Variants in NCKAP5 observed in about 807,000 individuals in gnomAD.
NCKAP5 encodes NCK associated protein 5.
In NCKAP5, 92 loss-of-function variants were observed where a neutral mutation model predicts 167.0. The ratio of observed to expected loss-of-function variants is 0.55; its 90% CI spans 0.47 to 0.66. The LOEUF (loss-of-function observed/expected upper bound fraction) is 0.66. Ranked by LOEUF, NCKAP5 falls within the 30% of genes least tolerant of loss-of-function variation. The pLI, the probability that NCKAP5 is intolerant of heterozygous loss-of-function variation, is 0.00. For missense variants in NCKAP5, 2,378 were observed against 2,315.0 expected, an observed-to-expected ratio of 1.03 and a Z score of -0.56; for synonymous variants, 891 against 877.4, an observed-to-expected ratio of 1.02 and a Z score of -0.27.
chr2:132,748,688 A>G (rs576358891), intron 16 of NCKAP5, among the ~76,000 whole-genome samples: 1 of 152,142 alleles, frequency 6.6e-6, no homozygotes, highest in South Asian at 2.1e-4. Context: ...GCTAGGATAT[A>G]TTTATATTCT....
At chr2:133,489,946 T>C (rs1681291581) in intron 3 of NCKAP5, among the ~76,000 whole-genome samples, 1 of 152,110 alleles carries the variant, frequency 6.6e-6, no homozygotes, top group Non-Finnish European at 1.5e-5. Context: ...AGGAACTAGC[T>C]GGGCTCTAAA....
chr2:133,385,171 T>C (rs919411987), intron 3 of NCKAP5, among the ~76,000 whole-genome samples: 2 of 152,204 alleles, frequency 1.3e-5, no homozygotes, highest in African/African-American at 4.8e-5. Flanking sequence ...CAGTATGATA[T>C]TGCCTGTGGG....
intron 16 of NCKAP5, among the ~76,000 whole-genome samples, chr2:132,758,353 C>G (rs1301501588): frequency 4.6e-5 from 7 of 152,158 alleles, no homozygotes; most frequent in African/African-American, 1.4e-4. Flanking sequence ...TTTTGTAAAT[C>G]TACAAGTCAT....
At chr2:133,264,048 A>G (rs1375634360) in intron 4 of NCKAP5, among the ~76,000 whole-genome samples, 1 of 152,218 alleles carries the variant, frequency 6.6e-6, no homozygotes, top group Non-Finnish European at 1.5e-5. Context: ...AGCCCTGGAA[A>G]GCCTCCACCT....
chr2:133,414,113 T>C (rs1027591830), intron 3 of NCKAP5, among the ~76,000 whole-genome samples: 32 of 152,202 alleles, frequency 2.1e-4, no homozygotes, highest in African/African-American at 6.5e-4. Context: ...ATACTAAATG[T>C]CACGCCACAG....
intron 3 of NCKAP5, among the ~76,000 whole-genome samples, chr2:133,356,004 C>A (rs1274048590): frequency 6.6e-6 from 1 of 151,992 alleles, no homozygotes; most frequent in Non-Finnish European, 1.5e-5. Context: ...CATGTCTCAC[C>A]GAAACCTCAG....
intron 11 of NCKAP5, among the ~76,000 whole-genome samples, chr2:132,845,662 T>C (rs936764267): frequency 2.0e-5 from 3 of 152,182 alleles, no homozygotes; most frequent in Admixed American, 1.3e-4. Flanking sequence ...ACTGTTCTAA[T>C]AGCTACAACT....
At chr2:133,640,426 C>T in the NCKAP5 span, among the ~76,000 whole-genome samples, 2 of 152,150 alleles carry the variant, frequency 1.3e-5, no homozygotes, top group Non-Finnish European at 2.9e-5. Context: ...GAGACAATCT[C>T]CACAGTGATC....
At chr2:133,545,255 G>C (rs1246969555) in intron 2 of NCKAP5, among the ~76,000 whole-genome samples, 4 of 152,100 alleles carry the variant, frequency 2.6e-5, no homozygotes, top group African/African-American at 9.7e-5. Context: ...TTCTTGGCAA[G>C]ATTGCCTGCC....
At chr2:133,500,868 T>G (rs1377778016) in intron 3 of NCKAP5, among the ~76,000 whole-genome samples, 1 of 152,210 alleles carries the variant, frequency 6.6e-6, no homozygotes, top group Non-Finnish European at 1.5e-5. Flanking sequence ...CATAGACATT[T>G]CCATTATTCC....
chr2:132,774,990 T>C (rs781297036), intron 15 of NCKAP5, among the ~76,000 whole-genome samples: 26 of 152,230 alleles, frequency 1.7e-4, no homozygotes, highest in Non-Finnish European at 3.4e-4. Context: ...AATATGCCTG[T>C]GTAGACTTGG....
At chr2:133,420,895 T>C (rs1689433154) in intron 3 of NCKAP5, among the ~76,000 whole-genome samples, 1 of 152,164 alleles carries the variant, frequency 6.6e-6, no homozygotes, top group Non-Finnish European at 1.5e-5. Flanking sequence ...TGCTCAGCAG[T>C]CACGCAGCGT....
intron 10 of NCKAP5, among the ~76,000 whole-genome samples, chr2:132,865,283 G>GC (rs1366732344): frequency 6.6e-6 from 1 of 151,990 alleles, no homozygotes; most frequent in East Asian, 1.9e-4. Flanking sequence ...AATACATACT[G>GC]CAAGTCTCCA....
the NCKAP5 span, among the ~76,000 whole-genome samples, chr2:133,584,567 C>T: frequency 1.3e-5 from 2 of 152,042 alleles, no homozygotes; most frequent in African/African-American, 4.8e-5. Context: ...TAGTTTGAGA[C>T]CAGCCTGGCC....
chr2:133,392,054 C>A (rs1310968606), intron 3 of NCKAP5, among the ~76,000 whole-genome samples: 4 of 152,224 alleles, frequency 2.6e-5, no homozygotes, highest in Non-Finnish European at 5.9e-5. Flanking sequence ...CCCCATCCCA[C>A]ATACACACAC....
chr2:133,664,809 A>C, the NCKAP5 span, among the ~76,000 whole-genome samples: 1 of 152,058 alleles, frequency 6.6e-6, no homozygotes, highest in Non-Finnish European at 1.5e-5. Context: ...AAAATCTGTT[A>C]TTTTGTATTG....
At chr2:133,129,192 C>T (rs1346930647) in intron 6 of NCKAP5, among the ~76,000 whole-genome samples, 1 of 151,612 alleles carries the variant, frequency 6.6e-6, no homozygotes, top group African/African-American at 2.4e-5. Flanking sequence ...TGTGCTGCAC[C>T]CATTAACTCG....
intron 3 of NCKAP5, among the ~76,000 whole-genome samples, chr2:133,468,387 A>G (rs1298932012): frequency 1.3e-5 from 2 of 149,526 alleles, no homozygotes; most frequent in African/African-American, 5.0e-5. Context: ...AGTTTGTTAT[A>G]ATTTCTGTTC....
chr2:132,942,586 C>A (rs1319693161), intron 8 of NCKAP5, among the ~76,000 whole-genome samples: 1 of 152,054 alleles, frequency 6.6e-6, no homozygotes, highest in African/African-American at 2.4e-5. Flanking sequence ...ATAATTTAGA[C>A]CTGAAAATTC....
Sources: allele counts gnomAD v4.1 joint callset (sites outside exome capture counted in the v4.1 genomes callset), GRCh38; gene constraint gnomAD v4.1.1; transcripts MANE v1.5; gene names NCBI Gene and HGNC (gene_info 2026-07-23, HGNC 2026-07-21).